TFDP2: variants seen among roughly 807,000 people sequenced by gnomAD.
The protein encoded by TFDP2 is transcription factor Dp-2 (E2F dimerization partner 2).
In TFDP2, 17 loss-of-function variants were observed where a neutral mutation model predicts 59.3. The ratio of observed to expected loss-of-function variants is 0.29; its 90% CI spans 0.20 to 0.43. TFDP2 has a LOEUF of 0.43. TFDP2 is among the 20% of genes least tolerant of loss of function. The pLI is 1.00. For missense variants in TFDP2, 391 were observed against 528.8 expected (o/e 0.74, Z 2.56); for synonymous variants, 180 against 194.7 (o/e 0.92, Z 0.63).
At chr3:142,080,992 A>T (rs2060621260) in intron 3 of TFDP2, among the ~76,000 whole-genome samples, 1 of 152,222 alleles carries the variant, frequency 6.6e-6, no homozygotes, top group South Asian at 2.1e-4. Flanking sequence ...TGGACCTAAT[A>T]AGATATTTAC....
chr3:142,016,075 G>A (rs899354302), intron 3 of TFDP2, among the ~76,000 whole-genome samples: 3 of 152,074 alleles, frequency 2.0e-5, no homozygotes, highest in East Asian at 1.9e-4. Context: ...ATAGTGGTGC[G>A]ATCTCAGCTC....
At chr3:142,017,545 ATTCT>A (rs1945227535) in intron 3 of TFDP2, among the ~76,000 whole-genome samples, 3 of 125,022 alleles carry the variant, frequency 2.4e-5, no homozygotes, top group African/African-American at 3.0e-5. Context: ...ATGCAAAAAT[ATTCT>A]TTTTTTTTTT....
chr3:141,945,497 T>C lies in TFDP2; in HGVS notation c.*7016A>G, dbSNP rs1039169327. ...CCAAGTGCGTGAAGGAACTCAGTAC[T>C]GAAACGTGATCCCCGGAGTGCAGCC... On this transcript the variant is annotated 3_prime_UTR_variant, in exon 13 of 13. Transcript: ENST00000489671. 2 of 152,352 alleles carry C rather than the reference T, an allele frequency of 1.3e-5. No homozygotes were observed. The highest frequency in any genetic ancestry group is 4.8e-5 in the African/African-American group (2 of 41,478). The allele number at this position is 152,352 out of a possible 1,614,324, so 9.4% of individuals were successfully genotyped here.
At chr3:142,063,774 C>A (rs1377788466) in intron 3 of TFDP2, among the ~76,000 whole-genome samples, 2 of 151,868 alleles carry the variant, frequency 1.3e-5, no homozygotes, top group Non-Finnish European at 2.9e-5. Flanking sequence ...GATCCACTGT[C>A]GAAAAGTCTA....
In TFDP2 at chr3:142,149,462, A is replaced by G. The variant is rs2063307813; in HGVS notation, c.-372T>C. The G allele has an allele frequency of 5.4e-6, 2 of 371,600 alleles. No homozygotes were observed. The highest frequency in any genetic ancestry group is 9.6e-6 in the Non-Finnish European group (2 of 209,270). The allele number at this position is 371,600 out of a possible 1,614,324, so 23.0% of individuals were successfully genotyped here. On this transcript the variant is annotated 5_prime_UTR_variant, in exon 1 of 13. Transcript: ENST00000489671. ...CGGCAGCGCCGCAGCCGAGATCGCT[A>G]CCGATTTCGTCCGCCCTCTCCCTGC...
intron 3 of TFDP2, among the ~76,000 whole-genome samples, chr3:142,073,504 G>A (rs1418497969): frequency 1.1e-5 from 1 of 87,942 alleles, no homozygotes; most frequent in African/African-American, 4.0e-5. Context: ...CAAAGACTAA[G>A]GGCAGTTTCA....
At chr3:142,062,465 C>G (rs923131146) in intron 3 of TFDP2, among the ~76,000 whole-genome samples, 3 of 150,382 alleles carry the variant, frequency 2.0e-5, no homozygotes, top group East Asian at 3.9e-4. Flanking sequence ...GGAGAGACAG[C>G]GGTTCTGATT....
intron 1 of TFDP2, among the ~76,000 whole-genome samples, chr3:142,130,351 A>G (rs2062449293): frequency 6.6e-6 from 1 of 152,086 alleles, no homozygotes; most frequent in African/African-American, 2.4e-5. Flanking sequence ...AAAGACAAAT[A>G]TTGTATGATT....
At chr3:142,030,386 ACAGT>A (rs1455122653) in intron 3 of TFDP2, among the ~76,000 whole-genome samples, 2 of 152,228 alleles carry the variant, frequency 1.3e-5, no homozygotes, top group East Asian at 1.9e-4. Context: ...GTTTTTGTGG[ACAGT>A]CAGATTTCAG....
intron 3 of TFDP2, among the ~76,000 whole-genome samples, chr3:142,083,326 CT>C (rs1325271972): frequency 6.6e-6 from 1 of 152,004 alleles, no homozygotes; most frequent in Non-Finnish European, 1.5e-5. Flanking sequence ...ACAATAAAAA[CT>C]ATAAAATACT....
intron 6 of TFDP2, among the ~76,000 whole-genome samples, chr3:141,988,775 T>G (rs2108142820): frequency 6.6e-6 from 1 of 151,276 alleles, no homozygotes; most frequent in South Asian, 2.1e-4. Context: ...TTCAAGCGAT[T>G]CTCCTGCCTC....
chr3:142,081,007 C>A (rs538075102), intron 3 of TFDP2, among the ~76,000 whole-genome samples: 1 of 152,304 alleles, frequency 6.6e-6, no homozygotes, highest in South Asian at 2.1e-4. Context: ...ATTTACAAAA[C>A]ATTTCATCCA....
chr3:141,944,885 T>C lies in TFDP2; in HGVS notation c.*7628A>G, dbSNP rs1373603173. 1.3e-5 allele frequency: 2 copies of C among 152,250 alleles called. No homozygotes were observed. Among genetic ancestry groups the C allele is most frequent in the African/African-American group, 4.8e-5 (2 of 41,458 alleles). 9.4% of individuals were successfully genotyped at this position (152,250 alleles called of 1,614,324 possible). A position where few individuals can be genotyped will look rare whatever the true frequency, so the allele number is the denominator to read the frequency against. ...AGATACTACAAAATAATATATCATATTAGGTTGTGTACTTCAATCTAATAA... is the reference window on the plus strand; with the variant it reads ...AGATACTACAAAATAATATATCATACTAGGTTGTGTACTTCAATCTAATAA... On this transcript the variant is annotated 3_prime_UTR_variant, in exon 13 of 13. Transcript: ENST00000489671.
intron 3 of TFDP2, among the ~76,000 whole-genome samples, chr3:142,041,815 C>T (rs1221351177): frequency 6.6e-6 from 1 of 152,000 alleles, no homozygotes. Context: ...GTCTATGATC[C>T]CTTTTGAGTT....
intron 9 of TFDP2, among the ~76,000 whole-genome samples, chr3:141,967,958 A>G (rs956973207): frequency 6.6e-6 from 1 of 151,988 alleles, no homozygotes; most frequent in African/African-American, 2.4e-5. Context: ...TTTTAAAAAT[A>G]ACGTGCCAAA....
chr3:141,977,676 T>C (rs1302320639), intron 7 of TFDP2, among the ~76,000 whole-genome samples: 1 of 152,130 alleles, frequency 6.6e-6, no homozygotes, highest in Non-Finnish European at 1.5e-5. Flanking sequence ...AACAATAAGA[T>C]TCAGAAACAA....
chr3:141,989,478 A>G (rs1373613295), intron 6 of TFDP2: 1 of 152,288 alleles, frequency 6.6e-6, no homozygotes, highest in African/African-American at 2.4e-5. Flanking sequence ...TGAAGCAGGC[A>G]GTTGTTTCCC....
rs1285717579 is a variant in TFDP2 at position 141,945,078 on chromosome 3, A to AT, written c.*7434dup. On this transcript the variant is annotated 3_prime_UTR_variant, in exon 13 of 13. Coordinates refer to ENST00000489671, the MANE Select transcript of TFDP2 (RefSeq NM_001178139.2). Reference sequence around the variant, plus strand: ...CAATAGCACATAGTCAGAGTAAAGCATTTTCAGATGAAAAGGTGAACAACC... The same window carrying AT: ...CAATAGCACATAGTCAGAGTAAAGCATTTTTCAGATGAAAAGGTGAACAACC... 1 of 152,148 alleles carries AT rather than the reference A, an allele frequency of 6.6e-6. No individual in the cohort carries two copies. The highest frequency in any genetic ancestry group is 1.9e-4 in the East Asian group (1 of 5,194). 9.4% of individuals were successfully genotyped at this position (152,148 alleles called of 1,614,324 possible). A position where few individuals can be genotyped will look rare whatever the true frequency, so the allele number is the denominator to read the frequency against.
chr3:142,085,971 C>G (rs972836424), intron 3 of TFDP2, among the ~76,000 whole-genome samples: 1 of 152,154 alleles, frequency 6.6e-6, no homozygotes, highest in East Asian at 1.9e-4. Context: ...ACCTCAGTCA[C>G]CAAATCTACT....
Sources: gnomAD v4.1 joint callset for allele counts (sites outside exome capture counted in the v4.1 genomes callset) on GRCh38, gnomAD v4.1.1 for gene constraint, MANE v1.5 for transcripts, NCBI Gene and HGNC (gene_info 2026-07-23, HGNC 2026-07-21) for gene names.